Variants in SLC2A14 observed in about 807,000 individuals in gnomAD.
The protein encoded by SLC2A14 is solute carrier family 2 member 14.
A neutral mutation model predicts 43.0 loss-of-function variants in SLC2A14; 13 were observed. The ratio of observed to expected loss-of-function variants is 0.30; its 90% CI spans 0.20 to 0.48. SLC2A14 has a LOEUF of 0.48. Ranked by LOEUF, SLC2A14 falls within the 20% of genes least tolerant of loss-of-function variation. The probability of loss-of-function intolerance (pLI) is 0.99; values close to 1 mark genes in which losing one functional copy is unlikely to be tolerated. For missense variants in SLC2A14, 428 were observed against 620.4 expected, an observed-to-expected ratio of 0.69 and a Z score of 3.29; for synonymous variants, 190 against 233.8, an observed-to-expected ratio of 0.81 and a Z score of 1.71.
chr12:7,884,674 A>G (rs1469657901), intron 1 of SLC2A14, among the ~76,000 whole-genome samples: 2 of 152,112 alleles, frequency 1.3e-5, no homozygotes, highest in Non-Finnish European at 1.5e-5. Flanking sequence ...AACTCTGCCC[A>G]CATGTTCTTC....
chr12:7,825,459 C>CAAAA (rs34023090), intron 7 of SLC2A14, among the ~76,000 whole-genome samples: 1 of 131,584 alleles, frequency 7.6e-6, no homozygotes. Flanking sequence ...GACTACCTCT[C>CAAAA]AAAAAAAAAA....
At chr12:7,882,430 A>C (rs530739650) in intron 1 of SLC2A14, among the ~76,000 whole-genome samples, 20 of 152,144 alleles carry the variant, frequency 1.3e-4, no homozygotes, top group Non-Finnish European at 2.1e-4. Context: ...CCATGGCTTC[A>C]TTCTTGAAGT....
chr12:7,869,156 A>AAAC (rs1565576913), intron 2 of SLC2A14, among the ~76,000 whole-genome samples: 2 of 151,122 alleles, frequency 1.3e-5, no homozygotes. Flanking sequence ...AAAAAAAAAA[A>AAAC]AACAGTGTTG....
chr12:7,845,401 G>A (rs1366697385), intron 2 of SLC2A14, among the ~76,000 whole-genome samples: 1 of 152,136 alleles, frequency 6.6e-6, no homozygotes, highest in East Asian at 1.9e-4. Flanking sequence ...TGTATTGCTT[G>A]ACTTCGGAAA....
chr12:7,856,638 G>C (rs148145918), intron 2 of SLC2A14, among the ~76,000 whole-genome samples: 1 of 152,174 alleles, frequency 6.6e-6, no homozygotes, highest in East Asian at 1.9e-4. Context: ...TGACGGCATC[G>C]ATGGAGATGA....
intron 6 of SLC2A14, among the ~76,000 whole-genome samples, chr12:7,828,139 G>A (rs1429714024): frequency 3.3e-5 from 5 of 151,762 alleles, no homozygotes; most frequent in Admixed American, 6.6e-5. Context: ...CAAGGCAGGC[G>A]AATCACAAGG....
chr12:7,828,647 C>T (rs938207759), intron 6 of SLC2A14, 57 bp downstream of exon 6: 1 of 1,575,932 alleles, frequency 6.3e-7, no homozygotes, highest in African/African-American at 1.4e-5. Flanking sequence ...AGTACCCTCA[C>T]CCTTAAAACA....
chr12:7,825,805 A>G (rs751332260), intron 7 of SLC2A14, among the ~76,000 whole-genome samples: 21 of 34,556 alleles, frequency 6.1e-4, no homozygotes, highest in African/African-American at 1.8e-3. Context: ...AGAAAGAAAG[A>G]AAGTATGCAC....
intron 1 of SLC2A14, among the ~76,000 whole-genome samples, chr12:7,882,706 G>C (rs10734884): frequency 0.53 from 80,853 of 151,418 alleles, 21,716 homozygotes; most frequent in Middle Eastern, 0.58. Flanking sequence ...GCATAGTGGC[G>C]CACGCCTGTA....
chr12:7,883,947 G>A (rs1418844963), intron 1 of SLC2A14, among the ~76,000 whole-genome samples: 3 of 143,532 alleles, frequency 2.1e-5, no homozygotes, highest in East Asian at 2.1e-4. Context: ...TGTTTGAGGC[G>A]GAGCCTTGGT....
intron 2 of SLC2A14, among the ~76,000 whole-genome samples, chr12:7,865,809 A>C (rs1944874918): frequency 6.6e-6 from 1 of 152,296 alleles, no homozygotes; most frequent in Admixed American, 6.5e-5. Flanking sequence ...GGCATGTCAA[A>C]AGCCAAGAGA....
At chr12:7,870,784 A>G (rs1945180065) in intron 1 of SLC2A14, 7 of 920,524 alleles carry the variant, frequency 7.6e-6, no homozygotes, top group Non-Finnish European at 8.3e-6. Flanking sequence ...ACTTTTCAAA[A>G]AAAGTAAAGT....
At chr12:7,888,692 G>A (rs1205158934) in intron 1 of SLC2A14, among the ~76,000 whole-genome samples, 7 of 151,724 alleles carry the variant, frequency 4.6e-5, no homozygotes, top group African/African-American at 1.2e-4. Flanking sequence ...CAGCTGCTCC[G>A]GAGGCTGAGG....
chr12:7,884,878 CT>C (rs1047605200), intron 1 of SLC2A14, among the ~76,000 whole-genome samples: 12 of 151,216 alleles, frequency 7.9e-5, no homozygotes, highest in Admixed American at 7.9e-4. Context: ...CAAAGATCCC[CT>C]GAGGGTAGGG....
At chr12:7,852,820 G>A (rs1867046699) in intron 2 of SLC2A14, among the ~76,000 whole-genome samples, 1 of 151,994 alleles carries the variant, frequency 6.6e-6, no homozygotes, top group Non-Finnish European at 1.5e-5. Flanking sequence ...TGTGCAAAAG[G>A]CTGAAATACC....
intron 7 of SLC2A14, among the ~76,000 whole-genome samples, chr12:7,826,758 TAG>T (rs1592165583): frequency 6.6e-6 from 1 of 152,072 alleles, no homozygotes; most frequent in African/African-American, 2.4e-5. Context: ...TGTAAAAACA[TAG>T]AGACTGGTAA....
intron 2 of SLC2A14, among the ~76,000 whole-genome samples, chr12:7,848,784 G>A (rs1285474659): frequency 6.6e-6 from 1 of 151,904 alleles, no homozygotes; most frequent in Non-Finnish European, 1.5e-5. Context: ...TCGAACTCCT[G>A]ACCTCAGGTG....
chr12:7,870,984 A>G lies in SLC2A14; in HGVS notation c.-57-1047T>C, dbSNP rs1945195131. 4 of 1,435,766 alleles carry G rather than the reference A, an allele frequency of 2.8e-6. No individual in the cohort carries two copies. In the South Asian group the frequency reaches 4.5e-5, roughly 16 times the overall value. The allele number at this position is 1,435,766 out of a possible 1,614,324, so 88.9% of individuals were successfully genotyped here. A position where few individuals can be genotyped will look rare whatever the true frequency, so the allele number is the denominator to read the frequency against. On this transcript the variant is annotated intron_variant, in intron 1 of 10. Transcript: ENST00000431042. ...AAGGAGGCTTTCAACATGATTGACCAGAACCATGATGGCTTCAATGACAAG... is the reference window on the plus strand; with the variant it reads ...AAGGAGGCTTTCAACATGATTGACCGGAACCATGATGGCTTCAATGACAAG...
chr12:7,883,028 G>C (rs1382395031), intron 1 of SLC2A14, among the ~76,000 whole-genome samples: 23 of 151,470 alleles, frequency 1.5e-4, no homozygotes, highest in East Asian at 5.8e-4. Context: ...GGCCAACATG[G>C]TGAAACCCTG....
Sources: allele counts gnomAD v4.1 joint callset (sites outside exome capture counted in the v4.1 genomes callset), GRCh38; gene constraint gnomAD v4.1.1; transcripts MANE v1.5; gene names NCBI Gene and HGNC (gene_info 2026-07-23, HGNC 2026-07-21).